Variants in BNIP1 observed in about 807,000 individuals in gnomAD.
BNIP1 encodes the protein vesicle transport protein SEC20.
BNIP1 carries 25 observed loss-of-function variants against 28.5 expected under a neutral mutation model. The ratio of observed to expected loss-of-function variants is 0.88; its 90% CI spans 0.64 to 1.23. The LOEUF is 1.23. BNIP1 is among the 50% of genes most tolerant of loss of function. The probability of loss-of-function intolerance (pLI) is 0.00; values close to 1 mark genes in which losing one functional copy is unlikely to be tolerated. For synonymous variants in BNIP1, 118 were observed against 101.7 expected, an observed-to-expected ratio of 1.16 and a Z score of -0.96; for missense variants, 276 against 277.0, an observed-to-expected ratio of 1.00 and a Z score of 0.02.
intron 4 of BNIP1, among the ~76,000 whole-genome samples, chr5:173,159,289 C>G (rs776580958): frequency 6.6e-6 from 1 of 152,058 alleles, no homozygotes; most frequent in African/African-American, 2.4e-5. Flanking sequence ...TCCACCCACC[C>G]CAGCCTCCCA....
chr5:173,156,734 A>G (rs1581077790), intron 3 of BNIP1, among the ~76,000 whole-genome samples: 2 of 143,074 alleles, frequency 1.4e-5, no homozygotes, highest in African/African-American at 2.6e-5. Flanking sequence ...TGCAAGCTCC[A>G]CCTCCCGGGT....
At position 173,146,857 on chromosome 5, in the gene BNIP1, G is replaced by T. The variant is rs765295330; in HGVS notation, c.85-9G>T. The stretch of plus-strand genomic sequence containing the variant: ...GAGAAAGGCCTTTCATCTGTTCAAT[G>T]TCTCCTAGGATATCCGTGATTGTTC... On this transcript the variant is annotated splice_polypyrimidine_tract_variant and intron_variant, in intron 1 of 5. Transcript: ENST00000351486. The T allele has an allele frequency of 5.0e-6, 8 of 1,606,446 alleles. No individual in the cohort carries two copies. The Admixed American group carries it at 1.0e-4, about 20-fold the overall frequency.
At chr5:173,144,765 C>A in intron 1 of BNIP1, 136 bp downstream of exon 1, 3 of 820,360 alleles carry the variant, frequency 3.7e-6, no homozygotes, top group Non-Finnish European at 5.6e-6. Context: ...TGGTCGGCTA[C>A]CCCCCCGGTC....
intron 2 of BNIP1, among the ~76,000 whole-genome samples, chr5:173,147,587 G>T (rs1251731062): frequency 6.7e-6 from 1 of 149,826 alleles, no homozygotes; most frequent in Non-Finnish European, 1.5e-5. Flanking sequence ...ACACTCCTGG[G>T]TTTTTTTTTA....
intron 2 of BNIP1, among the ~76,000 whole-genome samples, chr5:173,153,239 T>A (rs1170708948): frequency 6.6e-6 from 1 of 151,954 alleles, no homozygotes; most frequent in African/African-American, 2.4e-5. Flanking sequence ...CAACATTTTT[T>A]TTTTTTTTGA....
In BNIP1 at chr5:173,148,084, ATATATATATATATATATATATATATAT is replaced by A. The variant is rs1357864598; in HGVS notation, c.177+1127_177+1153del. On this transcript the variant is annotated intron_variant, in intron 2 of 5. Coordinates refer to ENST00000351486, the MANE Select transcript of BNIP1 (RefSeq NM_001205.3). ...TGTCAAAAAAAAAAAAAAAAAAAAA[ATATATATATATATATATATATATATAT>A]ATATATATATATATATATATATATA... Among the ~76,000 whole-genome samples the A allele has an allele frequency of 1.6e-3, 27 of 16,988 alleles. 3 individuals are homozygous for A. In the South Asian group the frequency reaches 0.016, roughly 10 times the overall value. The allele number at this position is 16,988 out of a possible 152,430, so 11.1% of individuals were successfully genotyped here. A position where few individuals can be genotyped will look rare whatever the true frequency, so the allele number is the denominator to read the frequency against.
Position 173,164,183 on chromosome 5 carries a change from GGCC to G in BNIP1, c.*265_*267del. The G allele has an allele frequency of 3.1e-6, 1 of 324,154 alleles. No homozygotes were observed. The highest frequency in any genetic ancestry group is 5.6e-6 in the Non-Finnish European group (1 of 179,024). The allele number at this position is 324,154 out of a possible 1,614,324, so 20.1% of individuals were successfully genotyped here. A position where few individuals can be genotyped will look rare whatever the true frequency, so the allele number is the denominator to read the frequency against. The stretch of plus-strand genomic sequence containing the variant: ...CCTTCCACCATTGTGCACTATGGGA[GGCC>G]GCTGCTGCGTGGAGCACTTAAAGTC... On this transcript the variant is annotated 3_prime_UTR_variant, in exon 6 of 6. Coordinates refer to ENST00000351486, the MANE Select transcript of BNIP1 (RefSeq NM_001205.3). This position sits in a 1 kb window ranked among gnomAD's most constrained non-coding sequence, Gnocchi z 4.0.
rs372903607 is a variant in BNIP1 at position 173,144,532 on chromosome 5, C to G, written c.-14C>G. On this transcript the variant is annotated 5_prime_UTR_variant, in exon 1 of 6. Transcript: ENST00000351486. ...ACTTGGGTCCTGCCGCTGCCCGTAGCCGGCGTCCCCAACATGGCGGCTCCC... is the reference window on the plus strand; with the variant it reads ...ACTTGGGTCCTGCCGCTGCCCGTAGGCGGCGTCCCCAACATGGCGGCTCCC... The G allele has an allele frequency of 6.2e-7, 1 of 1,613,774 alleles. No individual in the cohort carries two copies. Among genetic ancestry groups the G allele is most frequent in the African/African-American group, 1.3e-5 (1 of 74,932 alleles).
intron 1 of BNIP1, chr5:173,144,869 C>G (rs1179699192): frequency 2.1e-5 from 10 of 484,148 alleles, no homozygotes; most frequent in African/African-American, 4.0e-5. Flanking sequence ...TGTTCTCCGC[C>G]CCTGACTCAG....
chr5:173,148,290 C>G (rs1302277912), intron 2 of BNIP1, among the ~76,000 whole-genome samples: 1 of 151,088 alleles, frequency 6.6e-6, no homozygotes, highest in African/African-American at 2.4e-5. Context: ...TGGGATTCAG[C>G]TTCTAATTGT....
At chr5:173,160,092 C>A in intron 5 of BNIP1, 41 bp downstream of exon 5, 1 of 1,585,610 alleles carries the variant, frequency 6.3e-7, no homozygotes, top group Non-Finnish European at 8.6e-7. Flanking sequence ...CCCAGAGACG[C>A]TGCTCTAGGG....
intron 2 of BNIP1, among the ~76,000 whole-genome samples, chr5:173,150,901 T>G (rs1759998690): frequency 6.6e-6 from 1 of 152,068 alleles, no homozygotes; most frequent in African/African-American, 2.4e-5. Flanking sequence ...GCAGGTGTGA[T>G]CTCTGCTCAC....
intron 3 of BNIP1, among the ~76,000 whole-genome samples, chr5:173,156,979 CAAAA>C (rs960584410): frequency 6.6e-6 from 1 of 151,000 alleles, no homozygotes; most frequent in Admixed American, 6.6e-5. Flanking sequence ...ACAAAAAAAA[CAAAA>C]AAAACCAACT....
chr5:173,160,264 C>T (rs1201536779), intron 5 of BNIP1, among the ~76,000 whole-genome samples: 11 of 145,662 alleles, frequency 7.6e-5, no homozygotes, highest in South Asian at 4.2e-4. Flanking sequence ...GATGGAGTTT[C>T]GCTCTTGTTG....
chr5:173,151,173 A>G (rs1360799042), intron 2 of BNIP1, among the ~76,000 whole-genome samples: 1 of 151,694 alleles, frequency 6.6e-6, no homozygotes, highest in African/African-American at 2.4e-5. Context: ...TTATACGTAT[A>G]TTGGAAATTT....
rs1396041036 is a variant in BNIP1 at position 173,154,355 on chromosome 5, G to C, written c.211G>C (p.Glu71Gln). The C allele has an allele frequency of 6.8e-6, 11 of 1,613,976 alleles. No individual in the cohort carries two copies. The highest frequency in any genetic ancestry group is 9.3e-6 in the Non-Finnish European group (11 of 1,179,926). ...LEQLAKEQDK[E>Q]SEKQLLLQEV... The stretch of plus-strand genomic sequence containing the variant: ...GCAGTTGGCTAAAGAGCAAGACAAA[G>C]AATCAGAGAAACAACTTCTACTCCA... Residue 71 changes from glutamate (E) to glutamine (Q), a missense_variant, in exon 3 of 6, where the codon GAA becomes CAA. Coordinates refer to ENST00000351486, the MANE Select transcript of BNIP1 (RefSeq NM_001205.3).
At chr5:173,158,192 A>G (rs1760258901) in intron 3 of BNIP1, among the ~76,000 whole-genome samples, 1 of 150,708 alleles carries the variant, frequency 6.6e-6, no homozygotes, top group South Asian at 2.1e-4. Flanking sequence ...CGGCCTCCTA[A>G]AGTGCTATGA....
At chr5:173,154,660 T>G (rs1760128013) in intron 3 of BNIP1, among the ~76,000 whole-genome samples, 1 of 151,998 alleles carries the variant, frequency 6.6e-6, no homozygotes, top group South Asian at 2.1e-4. Flanking sequence ...GTAGCTGGGA[T>G]TACAGGCGCC....
At chr5:173,154,266 C>T (rs1228162990) in intron 2 of BNIP1, 56 bp from the exon 3 acceptor site, 1 of 1,529,388 alleles carries the variant, frequency 6.5e-7, no homozygotes, top group East Asian at 2.3e-5. Flanking sequence ...AAATGCTCTT[C>T]TGCTTTCATG....
Sources: gnomAD v4.1 joint callset for allele counts (sites outside exome capture counted in the v4.1 genomes callset) on GRCh38, gnomAD v4.1.1 for gene constraint, Gnocchi (gnomAD v3.1) non-coding constraint, MANE v1.5 for transcripts, NCBI Gene and HGNC (gene_info 2026-07-23, HGNC 2026-07-21) for gene names.